The following SDHAF3 variants were observed in gnomAD, a reference collection of about 807,000 sequenced individuals.
The protein encoded by SDHAF3 is succinate dehydrogenase complex assembly factor 3.
A neutral mutation model predicts 11.5 loss-of-function variants in SDHAF3; 18 were observed. That is an observed-to-expected ratio of 1.56 (90% CI 1.08 to 2.32). The LOEUF (loss-of-function observed/expected upper bound fraction) is 2.32, where lower values mean the gene tolerates loss of function less well. Among genes scored for constraint, SDHAF3 ranks in the 30% most tolerant of loss-of-function variants. SDHAF3 has a pLI of 0.00. For missense variants in SDHAF3, 200 were observed against 154.4 expected, an observed-to-expected ratio of 1.30 and a Z score of -1.57; for synonymous variants, 72 against 59.3, an observed-to-expected ratio of 1.21 and a Z score of -0.99.
At chr7:97,119,530 G>A (rs1448430377) in intron 1 of SDHAF3, among the ~76,000 whole-genome samples, 2 of 152,132 alleles carry the variant, frequency 1.3e-5, no homozygotes, top group African/African-American at 4.8e-5. Context: ...CCTACATCCT[G>A]TTTCCCCCTG....
intron 1 of SDHAF3, chr7:97,136,495 G>T: frequency 1.6e-6 from 1 of 608,168 alleles, no homozygotes; most frequent in South Asian, 1.9e-5. Context: ...GATTATTTTA[G>T]TTCCACTTTT....
At chr7:97,179,224 T>A (rs1195328306) in intron 1 of SDHAF3, among the ~76,000 whole-genome samples, 1 of 152,242 alleles carries the variant, frequency 6.6e-6, no homozygotes, top group African/African-American at 2.4e-5. Flanking sequence ...GCCACACTTT[T>A]GTTTAATGTG....
chr7:97,145,052 T>G (rs1019343504), intron 1 of SDHAF3, among the ~76,000 whole-genome samples: 4 of 149,446 alleles, frequency 2.7e-5, no homozygotes, highest in East Asian at 1.9e-4. Context: ...TATTTTTTGT[T>G]TTTTTTTTTT....
At chr7:97,177,394 G>T (rs1331892735) in intron 1 of SDHAF3, among the ~76,000 whole-genome samples, 1 of 151,826 alleles carries the variant, frequency 6.6e-6, no homozygotes, top group Non-Finnish European at 1.5e-5. Context: ...CCCATCTGCT[G>T]GGGAGGCTGA....
Position 97,142,042 on chromosome 7 carries a change from CTTTTTTTTTT to C in SDHAF3, c.174+24165_174+24174del, listed in dbSNP as rs71131003. ...AGCAATGAAATGTGTGAATTGTTGT[CTTTTTTTTTT>C]TTTTTTTTTTTTTTTTTTTGAGACA... On this transcript the variant is annotated intron_variant, in intron 1 of 1. Coordinates refer to ENST00000432641, the MANE Select transcript of SDHAF3 (RefSeq NM_020186.3). Among the ~76,000 whole-genome samples the C allele has an allele frequency of 3.7e-3, 230 of 61,694 alleles. 1 individual carries two copies. The highest frequency in any genetic ancestry group is 0.012 in the African/African-American group (190 of 15,994). The allele number at this position is 61,694 out of a possible 152,430, so 40.5% of individuals were successfully genotyped here. A position where few individuals can be genotyped will look rare whatever the true frequency, so the allele number is the denominator to read the frequency against.
intron 1 of SDHAF3, among the ~76,000 whole-genome samples, chr7:97,152,549 G>T (rs538405884): frequency 2.6e-5 from 4 of 152,304 alleles, no homozygotes; most frequent in East Asian, 3.9e-4. Flanking sequence ...TCAGTCTTAG[G>T]TTTTACAGTA....
rs574034175 is a variant in SDHAF3 at position 97,169,751 on chromosome 7, G to C, written c.175-11261G>C. On this transcript the variant is annotated intron_variant, in intron 1 of 1. Transcript: ENST00000432641. Reference sequence around the variant, plus strand: ...CCTGATTATAAAAAATGTAAAAAAAGAAAAAATTATAGTTTTGAACTCTTT... The same window carrying C: ...CCTGATTATAAAAAATGTAAAAAAACAAAAAATTATAGTTTTGAACTCTTT... Among the ~76,000 whole-genome samples, 637 of 152,000 alleles carry C rather than the reference G, an allele frequency of 4.2e-3. 3 individuals are homozygous for C. Among genetic ancestry groups the C allele is most frequent in the Non-Finnish European group, 7.1e-3 (482 of 67,908 alleles).
intron 1 of SDHAF3, among the ~76,000 whole-genome samples, chr7:97,167,935 A>G (rs555459724): frequency 1.4e-4 from 22 of 152,298 alleles, no homozygotes; most frequent in African/African-American, 5.3e-4. Context: ...TTGTGCAGAT[A>G]AGGGAATACC....
intron 1 of SDHAF3, among the ~76,000 whole-genome samples, chr7:97,172,850 TA>T (rs1253024837): frequency 6.6e-6 from 1 of 152,210 alleles, no homozygotes; most frequent in African/African-American, 2.4e-5. Context: ...GAAATATTTC[TA>T]GAAACAGAAG....
chr7:97,131,740 T>C (rs899414706), intron 1 of SDHAF3, among the ~76,000 whole-genome samples: 1 of 152,132 alleles, frequency 6.6e-6, no homozygotes, highest in Non-Finnish European at 1.5e-5. Context: ...TTTAGCTCAA[T>C]AGGAAAAAAC....
At chr7:97,163,568 T>G (rs1789449438) in intron 1 of SDHAF3, among the ~76,000 whole-genome samples, 1 of 152,262 alleles carries the variant, frequency 6.6e-6, no homozygotes, top group Non-Finnish European at 1.5e-5. Context: ...ATGGATTTCC[T>G]GAATACAGCA....
chr7:97,134,241 C>T lies in SDHAF3; in HGVS notation c.174+16344C>T, dbSNP rs1268719621. Reference sequence around the variant, plus strand: ...ACACCACATGCCTTGAATGTGGCCCCTCCCAAAAGTAACATGTTTATTGCC... The same window carrying T: ...ACACCACATGCCTTGAATGTGGCCCTTCCCAAAAGTAACATGTTTATTGCC... On this transcript the variant is annotated intron_variant, in intron 1 of 1. Transcript: ENST00000432641. Among the ~76,000 whole-genome samples the T allele has an allele frequency of 2.6e-5, 4 of 152,302 alleles. No homozygotes were observed. The East Asian group carries it at 5.8e-4, about 22-fold the overall frequency.
At chr7:97,169,250 T>G (rs1022341494) in intron 1 of SDHAF3, among the ~76,000 whole-genome samples, 2 of 152,048 alleles carry the variant, frequency 1.3e-5, no homozygotes, top group African/African-American at 2.4e-5. Flanking sequence ...CACTTGAATG[T>G]AGTGAGCTAA....
At chr7:97,143,747 G>A (rs1444986371) in intron 1 of SDHAF3, among the ~76,000 whole-genome samples, 2 of 151,464 alleles carry the variant, frequency 1.3e-5, no homozygotes, top group African/African-American at 2.4e-5. Flanking sequence ...ATTTGGGTTG[G>A]TTCCACTATT....
intron 1 of SDHAF3, among the ~76,000 whole-genome samples, chr7:97,127,107 T>C (rs1456478135): frequency 6.6e-6 from 1 of 152,204 alleles, no homozygotes; most frequent in Non-Finnish European, 1.5e-5. Flanking sequence ...ATGCTGCTTC[T>C]GCTCGCCCTC....
intron 1 of SDHAF3, among the ~76,000 whole-genome samples, chr7:97,135,988 A>G (rs1791761912): frequency 6.6e-6 from 1 of 151,864 alleles, no homozygotes; most frequent in Non-Finnish European, 1.5e-5. Flanking sequence ...TGCCCGGGCT[A>G]GTCCCTGTAT....
At chr7:97,144,115 A>G (rs1218208064) in intron 1 of SDHAF3, among the ~76,000 whole-genome samples, 2 of 152,074 alleles carry the variant, frequency 1.3e-5, no homozygotes, top group Non-Finnish European at 2.9e-5. Context: ...TCATATGGTC[A>G]TCGGCCTTTT....
At chr7:97,131,235 C>T (rs1195480108) in intron 1 of SDHAF3, among the ~76,000 whole-genome samples, 1 of 152,136 alleles carries the variant, frequency 6.6e-6, no homozygotes, top group Non-Finnish European at 1.5e-5. Flanking sequence ...TACAATTTGT[C>T]TATTTGATTC....
At chr7:97,159,350 G>C (rs1352499635) in intron 1 of SDHAF3, among the ~76,000 whole-genome samples, 2 of 152,180 alleles carry the variant, frequency 1.3e-5, no homozygotes, top group African/African-American at 4.8e-5. Context: ...ATATGTGGGT[G>C]CTTTTCAAAG....
Sources: gnomAD v4.1 joint callset for allele counts (sites outside exome capture counted in the v4.1 genomes callset) on GRCh38, gnomAD v4.1.1 for gene constraint, MANE v1.5 for transcripts, NCBI Gene and HGNC (gene_info 2026-07-23, HGNC 2026-07-21) for gene names.